MACROD2: variants seen among roughly 807,000 people sequenced by gnomAD.
The protein encoded by MACROD2 is mono-ADP ribosylhydrolase 2, also known as ADP-ribose glycohydrolase MACROD2.
A neutral mutation model predicts 70.4 loss-of-function variants in MACROD2; 36 were observed. The observed-to-expected ratio is 0.51, with a 90% CI of 0.39 to 0.68. The LOEUF (loss-of-function observed/expected upper bound fraction) is 0.68, where lower values mean the gene tolerates loss of function less well. Ranked by LOEUF, MACROD2 falls within the 30% of genes least tolerant of loss-of-function variation. The pLI is 0.00. For missense variants in MACROD2, 496 were observed against 538.4 expected (o/e 0.92, Z 0.78); for synonymous variants, 172 against 178.8 (o/e 0.96, Z 0.30).
intron 3 of MACROD2, among the ~76,000 whole-genome samples, chr20:14,460,239 C>A (rs1329884266): frequency 6.6e-6 from 1 of 152,014 alleles, no homozygotes; most frequent in Non-Finnish European, 1.5e-5. Flanking sequence ...GGGTATACAC[C>A]CAGTAATGGG....
At chr20:14,834,851 T>G (rs2073011043) in intron 5 of MACROD2, among the ~76,000 whole-genome samples, 1 of 151,996 alleles carries the variant, frequency 6.6e-6, no homozygotes, top group African/African-American at 2.4e-5. Flanking sequence ...AGAATATGTG[T>G]GTATATATAT....
chr20:15,507,332 C>T (rs2047438336), intron 8 of MACROD2, among the ~76,000 whole-genome samples: 1 of 151,286 alleles, frequency 6.6e-6, no homozygotes, highest in Non-Finnish European at 1.5e-5. Context: ...TCCTGCTTCT[C>T]CCAATTCCCT....
At chr20:14,332,542 A>G (rs2082864396) in intron 3 of MACROD2, among the ~76,000 whole-genome samples, 1 of 152,132 alleles carries the variant, frequency 6.6e-6, no homozygotes, top group Non-Finnish European at 1.5e-5. Context: ...ATTGATTTTG[A>G]TTTGACCTGT....
At chr20:15,601,697 T>C (rs2146689321) in intron 8 of MACROD2, among the ~76,000 whole-genome samples, 1 of 152,284 alleles carries the variant, frequency 6.6e-6, no homozygotes. Context: ...ATACTTTTAA[T>C]TAAGGTTTAA....
At chr20:15,155,796 C>G (rs941863752) in intron 5 of MACROD2, among the ~76,000 whole-genome samples, 1 of 151,974 alleles carries the variant, frequency 6.6e-6, no homozygotes, top group African/African-American at 2.4e-5. Context: ...GGTGATCTTC[C>G]TTAGAACTAT....
In MACROD2 at chr20:15,895,100, A is replaced by G. The variant is rs977673985; in HGVS notation, c.775+9289A>G. Among the ~76,000 whole-genome samples the G allele has an allele frequency of 2.0e-5, 3 of 152,236 alleles. No individual in the cohort carries two copies. The South Asian group carries it at 6.2e-4, about 31-fold the overall frequency. On this transcript the variant is annotated intron_variant, in intron 10 of 17. Transcript: ENST00000684519. ...GCCTGTTGTCATTTCTGAGCCTCATATAACAGCTATTAAGCTGTAGCAGTT... is the reference window on the plus strand; with the variant it reads ...GCCTGTTGTCATTTCTGAGCCTCATGTAACAGCTATTAAGCTGTAGCAGTT...
chr20:15,815,010 A>T (rs192522706), intron 8 of MACROD2, among the ~76,000 whole-genome samples: 138 of 152,346 alleles, frequency 9.1e-4, no homozygotes, highest in African/African-American at 2.9e-3. Context: ...CCACCTGCTT[A>T]CACAGGTATT....
chr20:14,589,233 TA>T (rs1431597097), intron 4 of MACROD2, among the ~76,000 whole-genome samples: 5 of 152,196 alleles, frequency 3.3e-5, no homozygotes, highest in Admixed American at 2.0e-4. Context: ...CTCAATTTTT[TA>T]TACACTTGAA....
At chr20:14,115,954 G>C (rs916109947) in intron 3 of MACROD2, among the ~76,000 whole-genome samples, 2 of 152,166 alleles carry the variant, frequency 1.3e-5, no homozygotes, top group African/African-American at 4.8e-5. Flanking sequence ...AGTAAGCCGA[G>C]ATATTAGATG....
At chr20:14,034,618 G>T (rs2053285594) in intron 2 of MACROD2, among the ~76,000 whole-genome samples, 1 of 152,064 alleles carries the variant, frequency 6.6e-6, no homozygotes, top group Admixed American at 6.5e-5. Context: ...CATTATTTTT[G>T]CCAGTATGAA....
Position 14,393,972 on chromosome 20 carries a change from G to A in MACROD2, c.272-99507G>A, listed in dbSNP as rs578173706. 3.9e-5 allele frequency among the ~76,000 whole-genome samples: 6 copies of A among 152,242 alleles called. No homozygotes were observed. In the South Asian group the frequency reaches 1.2e-3, roughly 32 times the overall value. On this transcript the variant is annotated intron_variant, in intron 3 of 17. Coordinates refer to ENST00000684519, the MANE Select transcript of MACROD2 (RefSeq NM_001351661.2). Reference sequence around the variant, plus strand: ...GTTGACCACCTGCAAGTCAGGAAGAGGGCCGTCACTAAGAACTGAATCTGC... The same window carrying A: ...GTTGACCACCTGCAAGTCAGGAAGAAGGCCGTCACTAAGAACTGAATCTGC...
intron 5 of MACROD2, among the ~76,000 whole-genome samples, chr20:14,955,144 A>AT (rs2074522011): frequency 9.8e-6 from 1 of 102,244 alleles, no homozygotes. Context: ...TTTATAAATT[A>AT]TATTATATGT....
At chr20:15,485,356 C>T (rs1309428046) in intron 7 of MACROD2, among the ~76,000 whole-genome samples, 2 of 152,124 alleles carry the variant, frequency 1.3e-5, no homozygotes, top group African/African-American at 4.8e-5. Flanking sequence ...AAATCTCTAA[C>T]ATTTGTGTTT....
intron 5 of MACROD2, among the ~76,000 whole-genome samples, chr20:15,206,882 G>A (rs1410201400): frequency 4.6e-5 from 7 of 150,938 alleles, no homozygotes; most frequent in South Asian, 4.2e-4. Flanking sequence ...GACTACAGGC[G>A]CCCGCCACCG....
At chr20:14,748,706 T>A (rs1486690700) in intron 5 of MACROD2, among the ~76,000 whole-genome samples, 1 of 152,140 alleles carries the variant, frequency 6.6e-6, no homozygotes, top group Non-Finnish European at 1.5e-5. Context: ...ACCTATGAAC[T>A]TTCCAAACTA....
intron 17 of MACROD2, among the ~76,000 whole-genome samples, chr20:16,047,252 A>G (rs2067395673): frequency 6.6e-6 from 1 of 152,192 alleles, no homozygotes; most frequent in African/African-American, 2.4e-5. Flanking sequence ...CATACCTTCA[A>G]GGAAATTAAA....
intron 6 of MACROD2, among the ~76,000 whole-genome samples, chr20:15,265,763 G>C (rs2077288840): frequency 6.6e-6 from 1 of 151,942 alleles, no homozygotes; most frequent in Non-Finnish European, 1.5e-5. Context: ...ATATTGCTCT[G>C]TTTTGAATTA....
At chr20:14,860,001 A>T (rs1489493430) in intron 5 of MACROD2, among the ~76,000 whole-genome samples, 1 of 152,160 alleles carries the variant, frequency 6.6e-6, no homozygotes, top group Non-Finnish European at 1.5e-5. Context: ...AACATTCTTA[A>T]AGGTCATACA....
chr20:14,396,989 C>T (rs374367374), intron 3 of MACROD2, among the ~76,000 whole-genome samples: 1 of 97,008 alleles, frequency 1.0e-5, no homozygotes, highest in Non-Finnish European at 1.8e-5. Context: ...AGACCATTTA[C>T]TTTTTTTTTT....
Sources: allele counts gnomAD v4.1 joint callset (sites outside exome capture counted in the v4.1 genomes callset), GRCh38; gene constraint gnomAD v4.1.1; transcripts MANE v1.5; gene names NCBI Gene and HGNC (gene_info 2026-07-23, HGNC 2026-07-21).